The following ECT2L variants were observed in gnomAD, a reference collection of about 807,000 sequenced individuals.
The protein encoded by ECT2L is epithelial cell-transforming sequence 2 oncogene-like.
In ECT2L, 126 loss-of-function variants were observed where a neutral mutation model predicts 122.8. That is an observed-to-expected ratio of 1.03 (90% confidence interval 0.89 to 1.19). The LOEUF is 1.19. ECT2L is among the 50% of genes most tolerant of loss of function. ECT2L has a pLI of 0.00. For synonymous variants in ECT2L, 385 were observed against 381.8 expected (o/e 1.01, Z -0.10); for missense variants, 1,012 against 1,064.1 (o/e 0.95, Z 0.68).
At chr6:138,874,575 A>C (rs1469448581) in intron 13 of ECT2L, among the ~76,000 whole-genome samples, 1 of 152,192 alleles carries the variant, frequency 6.6e-6, no homozygotes, top group Non-Finnish European at 1.5e-5. Flanking sequence ...GCAGGTTCTA[A>C]AATAGCCAAG....
intron 13 of ECT2L, chr6:138,870,056 A>C (rs1332529793): frequency 6.6e-6 from 1 of 152,384 alleles, no homozygotes; most frequent in African/African-American, 2.4e-5. Context: ...TTTTCTGGAC[A>C]TGTCAATTAA....
At chr6:138,847,355 CTTTTTTTTTTTTTTTTTTTTTT>C (rs1170631663) in intron 8 of ECT2L, among the ~76,000 whole-genome samples, 1 of 54,904 alleles carries the variant, frequency 1.8e-5, no homozygotes, top group East Asian at 6.3e-4. Flanking sequence ...AAGGCCCAAA[CTTTTTTTTTTTTTTTTTTTTTT>C]TTTTTTTTTT....
intron 13 of ECT2L, among the ~76,000 whole-genome samples, chr6:138,870,619 A>T (rs1284642720): frequency 6.7e-6 from 1 of 149,688 alleles, no homozygotes; most frequent in Non-Finnish European, 1.5e-5. Context: ...CCCTGAGAGA[A>T]CTTAAGGGGA....
chr6:138,820,968 G>A (rs75189810), intron 4 of ECT2L, among the ~76,000 whole-genome samples: 2,897 of 152,316 alleles, frequency 0.019, 38 homozygotes, highest in Non-Finnish European at 0.028. Flanking sequence ...TTGGCTCAAC[G>A]CAATGGAATG....
intron 10 of ECT2L, among the ~76,000 whole-genome samples, chr6:138,855,603 C>T (rs978915171): frequency 6.6e-6 from 1 of 152,184 alleles, no homozygotes; most frequent in Non-Finnish European, 1.5e-5. Flanking sequence ...AATTTTTCTA[C>T]TTTTCTACTT....
rs1776820440 is a variant in ECT2L at position 138,835,944 on chromosome 6, A to G, written c.180-2408A>G. ...TTTTCCTTGTCTCTTATGACTTGAT[A>G]CTTTTGAAGAGCACAGGCCTGCTGC... On this transcript the variant is annotated intron_variant, in intron 4 of 21. Transcript: ENST00000541398. 4.6e-5 allele frequency among the ~76,000 whole-genome samples: 7 copies of G among 152,118 alleles called. No individual in the cohort carries two copies. In the South Asian group the frequency reaches 1.2e-3, roughly 27 times the overall value.
intron 14 of ECT2L, among the ~76,000 whole-genome samples, chr6:138,880,267 G>A (rs1406063117): frequency 1.3e-5 from 2 of 152,210 alleles, no homozygotes; most frequent in African/African-American, 4.8e-5. Context: ...CTAAGATCAA[G>A]ATGCTAACAT....
At chr6:138,821,573 G>T (rs1012522499) in intron 4 of ECT2L, among the ~76,000 whole-genome samples, 1 of 152,226 alleles carries the variant, frequency 6.6e-6, no homozygotes, top group South Asian at 2.1e-4. Flanking sequence ...GAGCTGTGGT[G>T]TCAGCTTTAG....
At chr6:138,836,021 G>A (rs775135095) in intron 4 of ECT2L, among the ~76,000 whole-genome samples, 6 of 151,976 alleles carry the variant, frequency 3.9e-5, no homozygotes, top group Admixed American at 6.6e-5. Flanking sequence ...TCAAGATTAC[G>A]CTCAGGTTAT....
At chr6:138,867,984 A>T (rs1484998845) in intron 12 of ECT2L, 119 bp from the exon 13 acceptor site, 1 of 720,006 alleles carries the variant, frequency 1.4e-6, no homozygotes, top group African/African-American at 2.0e-5. Flanking sequence ...TGGGCAACAG[A>T]GTAAGATTCT....
At chr6:138,814,713 G>C (rs1776012999) in intron 4 of ECT2L, 110 bp downstream of exon 4, 1 of 653,056 alleles carries the variant, frequency 1.5e-6, no homozygotes, top group South Asian at 2.5e-5. Flanking sequence ...AAAAAAACAA[G>C]GTAATTGATA....
chr6:138,805,265 G>C (rs1173700481), intron 1 of ECT2L, among the ~76,000 whole-genome samples: 1 of 152,236 alleles, frequency 6.6e-6, no homozygotes, highest in Non-Finnish European at 1.5e-5. Flanking sequence ...GAGCTATCCA[G>C]TGCAGCTGTG....
intron 13 of ECT2L, among the ~76,000 whole-genome samples, chr6:138,873,898 G>GTGTGTGTGTGTGTGTGTGTGTGTGTA (rs1322374875): frequency 3.4e-4 from 51 of 150,098 alleles, no homozygotes; most frequent in African/African-American, 1.2e-3. Context: ...GTGTGTGTGT[G>GTGTGTGTGTGTGTGTGTGTGTGTGTA]TGTGTGTGTG....
chr6:138,900,016 T>A (rs1779345924), intron 20 of ECT2L, among the ~76,000 whole-genome samples: 1 of 152,230 alleles, frequency 6.6e-6, no homozygotes, highest in Admixed American at 6.5e-5. Context: ...CACCAAATTT[T>A]GCCCCTTGAT....
At chr6:138,822,677 G>A (rs1350933560) in intron 4 of ECT2L, 17 of 1,376,666 alleles carry the variant, frequency 1.2e-5, no homozygotes, top group East Asian at 9.9e-5. Flanking sequence ...GAACAGCTCC[G>A]GTCTACAGCT....
At chr6:138,832,776 T>A (rs1348804858) in intron 4 of ECT2L, among the ~76,000 whole-genome samples, 1 of 152,122 alleles carries the variant, frequency 6.6e-6, no homozygotes, top group Non-Finnish European at 1.5e-5. Context: ...TATAACTTGC[T>A]GATTTCTTTT....
chr6:138,893,174 GTTTT>G lies in ECT2L; in HGVS notation c.2414+4150_2414+4153del, dbSNP rs367734062. On this transcript the variant is annotated intron_variant, in intron 20 of 21. Coordinates refer to ENST00000541398, the MANE Select transcript of ECT2L (RefSeq NM_001077706.3). ...CACAAGTGCTTCTCAGTTTTTTTTT[GTTTT>G]TTTTTTGTTTTTTTTTGTTTTTTTT... 1.5e-4 allele frequency among the ~76,000 whole-genome samples: 21 copies of G among 135,584 alleles called. No homozygotes were observed. In the South Asian group the frequency reaches 2.5e-3, roughly 16 times the overall value. The allele number at this position is 135,584 out of a possible 152,430, so 88.9% of individuals were successfully genotyped here. A position where few individuals can be genotyped will look rare whatever the true frequency, so the allele number is the denominator to read the frequency against.
Position 138,885,788 on chromosome 6 carries a change from T to C in ECT2L, c.2217T>C (p.Thr739=). ...ATGTTGACCGTGGGGACTTGACCAC[T>C]GCAATTGACCAAATCAAAAAATATA... ...AEHVDRGDLT[T]AIDQIKKYKG... Residue 739 remains threonine, a synonymous_variant, in exon 18 of 22, where the codon ACT becomes ACC. Coordinates refer to ENST00000541398, the MANE Select transcript of ECT2L (RefSeq NM_001077706.3). 1 of 1,614,182 alleles carries C rather than the reference T, an allele frequency of 6.2e-7. No homozygotes were observed. The highest frequency in any genetic ancestry group is 8.5e-7 in the Non-Finnish European group (1 of 1,180,034).
Position 138,873,872 on chromosome 6 carries a change from CTGTGTGTGTGTGTGTGTGTGTG to C in ECT2L, c.1579-2578_1579-2557del, listed in dbSNP as rs57839466. On this transcript the variant is annotated intron_variant, in intron 13 of 21. Transcript: ENST00000541398. ...TACGGATTATCTGTCAAATCCAGGA[CTGTGTGTGTGTGTGTGTGTGTG>C]TGTGTGTGTGTGTGTGTGTGTCCAT... is the stretch of plus-strand genomic sequence containing the variant. 6.7e-3 allele frequency among the ~76,000 whole-genome samples: 480 copies of C among 71,378 alleles called. 20 individuals carry two copies. The East Asian group carries it at 0.13, about 19-fold the overall frequency. The allele number at this position is 71,378 out of a possible 152,430, so 46.8% of individuals were successfully genotyped here. A position where few individuals can be genotyped will look rare whatever the true frequency, so the allele number is the denominator to read the frequency against.
Sources: allele counts gnomAD v4.1 joint callset (sites outside exome capture counted in the v4.1 genomes callset), GRCh38; gene constraint gnomAD v4.1.1; transcripts MANE v1.5; gene names NCBI Gene and HGNC (gene_info 2026-07-23, HGNC 2026-07-21).